The following RGS7 variants were observed in gnomAD, a reference collection of about 807,000 sequenced individuals.
RGS7 encodes regulator of G protein signaling 7, also known as regulator of G-protein signaling 7.
Under a neutral mutation model 81.1 loss-of-function variants are expected in RGS7, and 27 were observed. The ratio of observed to expected loss-of-function variants is 0.33; its 90% CI spans 0.25 to 0.46. The LOEUF (loss-of-function observed/expected upper bound fraction) is 0.46. Ranked by LOEUF, RGS7 falls within the 20% of genes least tolerant of loss-of-function variation. RGS7 has a pLI of 1.00. For synonymous variants in RGS7, 208 were observed against 207.7 expected (o/e 1.00, Z -0.01); for missense variants, 396 against 607.4 (o/e 0.65, Z 3.66).
At chr1:240,843,724 A>C (rs1572377945) in intron 9 of RGS7, among the ~76,000 whole-genome samples, 1 of 152,366 alleles carries the variant, frequency 6.6e-6, no homozygotes, top group East Asian at 1.9e-4. Flanking sequence ...AGGATTTGCT[A>C]TCTTTTAAAT....
chr1:241,346,430 C>T (rs1459400129), intron 2 of RGS7, among the ~76,000 whole-genome samples: 1 of 152,144 alleles, frequency 6.6e-6, no homozygotes, highest in African/African-American at 2.4e-5. Flanking sequence ...GACTTGAATT[C>T]GAATGTCCTG....
At chr1:241,350,466 G>C (rs1430411609) in intron 2 of RGS7, among the ~76,000 whole-genome samples, 2 of 152,094 alleles carry the variant, frequency 1.3e-5, no homozygotes, top group South Asian at 2.1e-4. Context: ...AAATCTGAGG[G>C]CTTAAAAGGA....
At chr1:240,961,909 G>A (rs1558529077) in intron 4 of RGS7, among the ~76,000 whole-genome samples, 1 of 151,952 alleles carries the variant, frequency 6.6e-6, no homozygotes, top group Non-Finnish European at 1.5e-5. Flanking sequence ...GAGGGAAGAA[G>A]GCAGAGAGGA....
chr1:241,082,581 G>C (rs1263597477), intron 3 of RGS7, among the ~76,000 whole-genome samples: 1 of 152,142 alleles, frequency 6.6e-6, no homozygotes, highest in Non-Finnish European at 1.5e-5. Flanking sequence ...AGGGTGAGGG[G>C]TGATAAAGCG....
intron 4 of RGS7, among the ~76,000 whole-genome samples, chr1:240,958,710 G>A (rs1680853160): frequency 6.8e-6 from 1 of 146,916 alleles, no homozygotes; most frequent in South Asian, 2.1e-4. Flanking sequence ...ACTCTCCTCC[G>A]TACCTCTCCT....
intron 4 of RGS7, among the ~76,000 whole-genome samples, chr1:240,971,509 C>T (rs1558540720): frequency 2.0e-5 from 3 of 152,164 alleles, no homozygotes; most frequent in African/African-American, 7.2e-5. Context: ...TCCCTGTGTA[C>T]ACAACTAGGA....
At chr1:241,251,808 C>T (rs2076841408) in intron 2 of RGS7, among the ~76,000 whole-genome samples, 1 of 152,036 alleles carries the variant, frequency 6.6e-6, no homozygotes, top group Admixed American at 6.6e-5. Flanking sequence ...CCACGCCTGG[C>T]TGGGATTTTT....
intron 2 of RGS7, among the ~76,000 whole-genome samples, chr1:241,259,390 C>T (rs1010478747): frequency 6.6e-6 from 1 of 151,836 alleles, no homozygotes; most frequent in African/African-American, 2.4e-5. Context: ...CGCAGTGGCT[C>T]ACACCTGTAA....
intron 9 of RGS7, among the ~76,000 whole-genome samples, chr1:240,860,800 G>T (rs765761242): frequency 2.6e-5 from 4 of 152,008 alleles, no homozygotes; most frequent in Non-Finnish European, 4.4e-5. Flanking sequence ...ATGAGTTTCA[G>T]AATCAATTCT....
intron 13 of RGS7, 147 bp from the exon 14 acceptor site, chr1:240,812,190 T>G: frequency 3.8e-6 from 3 of 790,374 alleles, no homozygotes; most frequent in Non-Finnish European, 6.2e-6. Context: ...TTAACGGCTC[T>G]GCATGAAATC....
intron 6 of RGS7, among the ~76,000 whole-genome samples, chr1:240,906,039 C>T (rs368465438): frequency 2.6e-5 from 4 of 152,126 alleles, no homozygotes; most frequent in African/African-American, 9.7e-5. Context: ...ATAGTCCTAC[C>T]ACCCATATTG....
At chr1:241,214,015 C>T (rs1466900427) in intron 2 of RGS7, among the ~76,000 whole-genome samples, 2 of 152,062 alleles carry the variant, frequency 1.3e-5, no homozygotes, top group African/African-American at 2.4e-5. Flanking sequence ...ATCCTCCCCC[C>T]GGGCCTCCCA....
chr1:241,003,386 A>G (rs2058515791), intron 3 of RGS7, among the ~76,000 whole-genome samples: 1 of 149,400 alleles, frequency 6.7e-6, no homozygotes, highest in South Asian at 2.1e-4. Context: ...GCGTGAACCC[A>G]GGAGGCAGAG....
intron 2 of RGS7, among the ~76,000 whole-genome samples, chr1:241,224,253 C>G (rs1435942633): frequency 1.4e-5 from 2 of 146,002 alleles, no homozygotes; most frequent in East Asian, 2.0e-4. Flanking sequence ...CCCAGCCCCC[C>G]ACCCCTCAAC....
rs1316384848 is a variant in RGS7, at chr1:240,859,284, G to T, written c.609+9303C>A. Among the ~76,000 whole-genome samples, 3 of 152,028 alleles carry T rather than the reference G, an allele frequency of 2.0e-5. No homozygotes were observed. The South Asian group carries it at 6.2e-4, about 32-fold the overall frequency. On this transcript the variant is annotated intron_variant, in intron 9 of 18. Coordinates refer to ENST00000440928, the MANE Select transcript of RGS7 (RefSeq NM_001364886.1). Reference sequence around the variant, plus strand: ...CAAAGTGCTGGGATTACAGGCATGAGCCATCACTCCTGGCCTAATTTCTTT... The same window carrying T: ...CAAAGTGCTGGGATTACAGGCATGATCCATCACTCCTGGCCTAATTTCTTT...
intron 10 of RGS7, among the ~76,000 whole-genome samples, chr1:240,820,117 G>A (rs1299924968): frequency 1.3e-5 from 2 of 152,192 alleles, no homozygotes; most frequent in Non-Finnish European, 2.9e-5. Flanking sequence ...GAAAAAAAAT[G>A]TATTCAAATC....
chr1:240,813,940 A>C (rs909345802), intron 12 of RGS7, among the ~76,000 whole-genome samples: 2 of 152,082 alleles, frequency 1.3e-5, no homozygotes, highest in Admixed American at 6.5e-5. Context: ...TTCCATCTCT[A>C]CCCATGCCTA....
rs1056570015 is a variant in RGS7 at position 241,138,327 on chromosome 1, G to T, written c.79-39565C>A. On this transcript the variant is annotated intron_variant, in intron 2 of 18. Coordinates refer to ENST00000440928, the MANE Select transcript of RGS7 (RefSeq NM_001364886.1). ...AGATGTCACAGTCAACCAAAATTGT[G>T]GGGGGATCTTCAGTGAGGAGTTGGA... Among the ~76,000 whole-genome samples, 5 of 152,128 alleles carry T rather than the reference G, an allele frequency of 3.3e-5. No homozygotes were observed. The South Asian group carries it at 6.2e-4, about 19-fold the overall frequency.
At chr1:240,799,487 A>G (rs1282683486) in intron 18 of RGS7, among the ~76,000 whole-genome samples, 3 of 151,894 alleles carry the variant, frequency 2.0e-5, no homozygotes, top group African/African-American at 7.3e-5. Context: ...CCTAACACCC[A>G]GTAGAAATTG....
Sources: allele counts gnomAD v4.1 joint callset (sites outside exome capture counted in the v4.1 genomes callset), GRCh38; gene constraint gnomAD v4.1.1; transcripts MANE v1.5; gene names NCBI Gene and HGNC (gene_info 2026-07-23, HGNC 2026-07-21).